GCLC: variants seen among roughly 807,000 people sequenced by gnomAD.
The protein encoded by GCLC is glutamate--cysteine ligase catalytic subunit.
In GCLC, 30 loss-of-function variants were observed where a neutral mutation model predicts 81.5. That is an observed-to-expected ratio of 0.37 (90% CI 0.28 to 0.50). The LOEUF (loss-of-function observed/expected upper bound fraction) is 0.50. Ranked by LOEUF, GCLC falls within the 20% of genes least tolerant of loss-of-function variation. The pLI is 0.96. For synonymous variants in GCLC, 262 were observed against 273.3 expected (o/e 0.96, Z 0.41); for missense variants, 556 against 777.4 (o/e 0.72, Z 3.39).
At chr6:53,529,816 G>C (rs1430421147) in intron 1 of GCLC, among the ~76,000 whole-genome samples, 2 of 152,254 alleles carry the variant, frequency 1.3e-5, no homozygotes, top group Non-Finnish European at 2.9e-5. Context: ...ACTGTAGTGG[G>C]TGAGAATCAT....
At chr6:53,505,578 T>C (rs1308681406) in intron 11 of GCLC, 82 bp from the exon 12 acceptor site, 3 of 820,784 alleles carry the variant, frequency 3.7e-6, no homozygotes, top group South Asian at 1.4e-5. Context: ...CCTCAGATCA[T>C]GTCATTCCCA....
intron 1 of GCLC, among the ~76,000 whole-genome samples, chr6:53,524,966 A>T (rs779176841): frequency 2.0e-5 from 3 of 152,234 alleles, no homozygotes; most frequent in Non-Finnish European, 2.9e-5. Context: ...CAAACGGATG[A>T]CATTTAAAAT....
At chr6:53,517,204 A>G (rs1407138361) in intron 3 of GCLC, among the ~76,000 whole-genome samples, 1 of 140,586 alleles carries the variant, frequency 7.1e-6, no homozygotes. Flanking sequence ...CTCCTGCCTC[A>G]GGCTCCTGAG....
rs537414047 is a variant in GCLC, at chr6:53,506,047, C to T, written c.1198-152G>A. 1.4e-5 allele frequency: 9 copies of T among 663,904 alleles called. No individual in the cohort carries two copies. The highest frequency in any genetic ancestry group is 1.1e-4 in the South Asian group (7 of 63,576). The allele number at this position is 663,904 out of a possible 1,614,324, so 41.1% of individuals were successfully genotyped here. A position where few individuals can be genotyped will look rare whatever the true frequency, so the allele number is the denominator to read the frequency against. On this transcript the variant is annotated intron_variant, in intron 10 of 15. Transcript: ENST00000650454. The surrounding 1 kb of genome is among the most constrained non-coding windows in gnomAD (Gnocchi z 4.0). Reference sequence around the variant, plus strand: ...AAAAGGTACAATTGAAGATTTTCTTCGAGTGTGCTCTTTTAGGAAAACAAA... The same window carrying T: ...AAAAGGTACAATTGAAGATTTTCTTTGAGTGTGCTCTTTTAGGAAAACAAA...
intron 15 of GCLC, 89 bp downstream of exon 15, chr6:53,499,956 T>C: frequency 4.2e-6 from 4 of 944,794 alleles, no homozygotes; most frequent in Non-Finnish European, 6.8e-6. Flanking sequence ...AATACAGCAT[T>C]ATTTTAAAAG....
chr6:53,503,789 T>G (rs1286840603), intron 12 of GCLC, among the ~76,000 whole-genome samples: 2 of 152,228 alleles, frequency 1.3e-5, no homozygotes, highest in African/African-American at 4.8e-5. Flanking sequence ...CTCTTCTAAA[T>G]TATTACACAA....
chr6:53,544,319 TG>T (rs909831240), intron 1 of GCLC, among the ~76,000 whole-genome samples, 176 bp downstream of exon 1: 1 of 152,186 alleles, frequency 6.6e-6, no homozygotes, highest in Non-Finnish European at 1.5e-5. Flanking sequence ...AGGATGGCCC[TG>T]GACGCGGACT....
intron 1 of GCLC, among the ~76,000 whole-genome samples, chr6:53,532,041 A>C (rs1230835353): frequency 6.6e-6 from 1 of 152,234 alleles, no homozygotes; most frequent in Non-Finnish European, 1.5e-5. Context: ...TAATTTTCTT[A>C]TTACCCAAAA....
rs1764429380 is a variant in GCLC at position 53,498,710 on chromosome 6, A to G, written c.*46T>C. 8.6e-7 allele frequency: 1 copy of G among 1,158,168 alleles called. No homozygotes were observed. The highest frequency in any genetic ancestry group is 1.3e-6 in the Non-Finnish European group (1 of 765,614). The allele number at this position is 1,158,168 out of a possible 1,614,324, so 71.7% of individuals were successfully genotyped here. A position where few individuals can be genotyped will look rare whatever the true frequency, so the allele number is the denominator to read the frequency against. ...ACACGGGCTGGCTGAGAGGCATGGT[A>G]CTGTAGCCAGTTCGTCAATAATGCA... On this transcript the variant is annotated 3_prime_UTR_variant, in exon 16 of 16. Transcript: ENST00000650454.
intron 3 of GCLC, 130 bp downstream of exon 3, chr6:53,520,648 G>A: frequency 1.2e-6 from 1 of 802,888 alleles, no homozygotes. Context: ...TCTATCAAGT[G>A]CAGTCTATAA....
chr6:53,517,466 C>G (rs1762895051), intron 3 of GCLC, among the ~76,000 whole-genome samples: 1 of 151,920 alleles, frequency 6.6e-6, no homozygotes, highest in African/African-American at 2.4e-5. Flanking sequence ...TGCCCAAATC[C>G]ACCTTGTAAA....
chr6:53,512,075 A>C (rs373747381), intron 6 of GCLC, among the ~76,000 whole-genome samples: 12 of 151,180 alleles, frequency 7.9e-5, no homozygotes, highest in Admixed American at 2.6e-4. Flanking sequence ...CAGACTCCTC[A>C]GTAGCTGGGA....
rs756318386 is a variant in GCLC, at chr6:53,498,115, A to T, written c.*641T>A. The T allele has an allele frequency of 6.5e-6, 1 of 152,712 alleles. No individual in the cohort carries two copies. Among genetic ancestry groups the T allele is most frequent in the Non-Finnish European group, 1.5e-5 (1 of 68,102 alleles). The allele number at this position is 152,712 out of a possible 1,614,324, so 9.5% of individuals were successfully genotyped here. A position where few individuals can be genotyped will look rare whatever the true frequency, so the allele number is the denominator to read the frequency against. Reference sequence around the variant, plus strand: ...AATTCCTGCATCAGCAAATTTAAACAAAGAAAAGTTCCTTTGATAACAGCC... The same window carrying T: ...AATTCCTGCATCAGCAAATTTAAACTAAGAAAAGTTCCTTTGATAACAGCC... On this transcript the variant is annotated 3_prime_UTR_variant, in exon 16 of 16. Coordinates refer to ENST00000650454, the MANE Select transcript of GCLC (RefSeq NM_001498.4).
intron 1 of GCLC, among the ~76,000 whole-genome samples, chr6:53,543,421 G>C (rs1763392358): frequency 6.7e-6 from 1 of 149,298 alleles, no homozygotes; most frequent in South Asian, 2.1e-4. Context: ...TTCTTCAGCT[G>C]TAGGAGGTAG....
intron 1 of GCLC, 99 bp from the exon 2 acceptor site, chr6:53,522,626 G>T (rs1763018747): frequency 1.4e-6 from 1 of 740,032 alleles, no homozygotes; most frequent in Non-Finnish European, 2.4e-6. Context: ...GTCTGTAAAG[G>T]ATCCACAGTA....
chr6:53,542,890 T>A (rs889734938), intron 1 of GCLC, among the ~76,000 whole-genome samples: 3 of 152,000 alleles, frequency 2.0e-5, no homozygotes, highest in African/African-American at 7.3e-5. Flanking sequence ...GCACCTGTAA[T>A]CCCAGCTACT....
chr6:53,514,628 A>G (rs1291350599), intron 4 of GCLC, 131 bp from the exon 5 acceptor site: 44 of 762,584 alleles, frequency 5.8e-5, no homozygotes. Flanking sequence ...CTCAACAGAA[A>G]ATGTATCTGT....
intron 12 of GCLC, among the ~76,000 whole-genome samples, chr6:53,502,926 C>T (rs908151613): frequency 6.6e-6 from 1 of 152,186 alleles, no homozygotes; most frequent in Non-Finnish European, 1.5e-5. Context: ...TGTTTCTATA[C>T]TATTAATAGT....
intron 1 of GCLC, among the ~76,000 whole-genome samples, chr6:53,543,906 G>C (rs1283019973): frequency 6.6e-6 from 1 of 152,184 alleles, no homozygotes; most frequent in Non-Finnish European, 1.5e-5. Flanking sequence ...GGAAAGGGAA[G>C]GTTCCTCCCC....
Sources: allele counts gnomAD v4.1 joint callset (sites outside exome capture counted in the v4.1 genomes callset), GRCh38; gene constraint gnomAD v4.1.1; non-coding constraint Gnocchi (gnomAD v3.1); transcripts MANE v1.5; gene names NCBI Gene and HGNC (gene_info 2026-07-23, HGNC 2026-07-21).